FOXP2: variants seen among roughly 807,000 people sequenced by gnomAD.
The protein encoded by FOXP2 is forkhead box P2, also known as forkhead box protein P2.
FOXP2 carries 12 observed loss-of-function variants against 115.8 expected under a neutral mutation model. The ratio of observed to expected loss-of-function variants is 0.10; its 90% CI spans 0.07 to 0.17. The LOEUF is 0.17. FOXP2 is among the 10% of genes least tolerant of loss of function. The probability of loss-of-function intolerance (pLI) is 1.00; values close to 1 mark genes in which losing one functional copy is unlikely to be tolerated. For missense variants in FOXP2, 629 were observed against 843.5 expected (o/e 0.75, Z 3.15); for synonymous variants, 328 against 297.7 (o/e 1.10, Z -1.05).
At chr7:114,341,019 A>T (rs1474625023) in intron 2 of FOXP2, among the ~76,000 whole-genome samples, 2 of 151,310 alleles carry the variant, frequency 1.3e-5, no homozygotes, top group African/African-American at 4.8e-5. Context: ...TATTCTGATG[A>T]CTGAGAAAAT....
rs537531099 is a variant in FOXP2, at chr7:114,494,164, A to G, written c.169-40453A>G. Among the ~76,000 whole-genome samples, 235 of 152,258 alleles carry G rather than the reference A, an allele frequency of 1.5e-3. 2 individuals are homozygous for G. Among genetic ancestry groups the G allele is most frequent in the African/African-American group, 5.4e-3 (225 of 41,558 alleles). ...GCAATAACAAAGTAAAGTTTAAGACATTTTGCCCAAAGTGATAAAAAGTAG... is the reference window on the plus strand; with the variant it reads ...GCAATAACAAAGTAAAGTTTAAGACGTTTTGCCCAAAGTGATAAAAAGTAG... On this transcript the variant is annotated intron_variant, in intron 2 of 16. Transcript: ENST00000350908.
intron 2 of FOXP2, among the ~76,000 whole-genome samples, chr7:114,408,062 A>G (rs1161293353): frequency 6.6e-6 from 1 of 152,158 alleles, no homozygotes; most frequent in African/African-American, 2.4e-5. Flanking sequence ...TTAACATTTT[A>G]TTTGTAAAAT....
intron 2 of FOXP2, among the ~76,000 whole-genome samples, chr7:114,388,925 T>C (rs928625252): frequency 3.9e-5 from 6 of 152,196 alleles, no homozygotes; most frequent in African/African-American, 1.4e-4. Flanking sequence ...AATGCATCAG[T>C]AAAATAGAAG....
At chr7:114,229,364 T>C (rs1012614378) in intron 1 of FOXP2, among the ~76,000 whole-genome samples, 2 of 151,474 alleles carry the variant, frequency 1.3e-5, no homozygotes, top group Non-Finnish European at 3.0e-5. Flanking sequence ...ACATTCAACA[T>C]AAGATCAATA....
At chr7:114,609,332 G>C (rs1333601666) in intron 3 of FOXP2, among the ~76,000 whole-genome samples, 1 of 151,986 alleles carries the variant, frequency 6.6e-6, no homozygotes, top group Non-Finnish European at 1.5e-5. Context: ...ATCTTAATGA[G>C]CAATGGGAAA....
At chr7:114,355,601 A>G (rs1791600718) in intron 2 of FOXP2, among the ~76,000 whole-genome samples, 1 of 152,226 alleles carries the variant, frequency 6.6e-6, no homozygotes, top group African/African-American at 2.4e-5. Context: ...AAACTGAAAC[A>G]TGTTACAGAG....
At chr7:114,459,830 G>T (rs1396772312) in intron 2 of FOXP2, among the ~76,000 whole-genome samples, 1 of 152,120 alleles carries the variant, frequency 6.6e-6, no homozygotes, top group African/African-American at 2.4e-5. Context: ...TGGTCCGGTT[G>T]ATCTCGAACC....
At position 114,297,290 on chromosome 7, in the gene FOXP2, C is replaced by A. The variant is rs574499713; in HGVS notation, c.-11+9181C>A. The A allele has an allele frequency of 1.5e-3, 819 of 555,698 alleles. 5 individuals carry two copies. Among genetic ancestry groups the A allele is most frequent in the Middle Eastern group, 8.7e-3 (17 of 1,950 alleles). The allele number at this position is 555,698 out of a possible 1,614,324, so 34.4% of individuals were successfully genotyped here. A position where few individuals can be genotyped will look rare whatever the true frequency, so the allele number is the denominator to read the frequency against. On this transcript the variant is annotated intron_variant, in intron 2 of 17. Coordinates refer to the FOXP2 transcript ENST00000634411. ...AGCTCCTATGGGGCGAACCCACACA[C>A]CTCTGAATCATGTCCCACGCAAACT... is the stretch of plus-strand genomic sequence containing the variant.
At chr7:114,468,137 G>C (rs1441431166) in intron 2 of FOXP2, among the ~76,000 whole-genome samples, 1 of 152,160 alleles carries the variant, frequency 6.6e-6, no homozygotes. Context: ...CTTAGTGACA[G>C]TAGGCACTTT....
intron 1 of FOXP2, among the ~76,000 whole-genome samples, chr7:114,279,630 A>C (rs576550647): frequency 1.3e-4 from 20 of 152,294 alleles, no homozygotes; most frequent in Non-Finnish European, 2.9e-5. Flanking sequence ...ATGTTTACAC[A>C]CTTGATCACT....
intron 1 of FOXP2, among the ~76,000 whole-genome samples, chr7:114,129,208 A>G (rs1791805912): frequency 6.6e-6 from 1 of 152,246 alleles, no homozygotes; most frequent in African/African-American, 2.4e-5. Flanking sequence ...CAAATAAGTG[A>G]CTTGCCAAAG....
At chr7:114,574,745 G>A (rs1342948427) in intron 3 of FOXP2, among the ~76,000 whole-genome samples, 1 of 151,830 alleles carries the variant, frequency 6.6e-6, no homozygotes, top group African/African-American at 2.4e-5. Flanking sequence ...TTCTAACTGC[G>A]AAGGCAATTA....
At chr7:114,096,135 C>T (rs1240271317) in intron 1 of FOXP2, among the ~76,000 whole-genome samples, 1 of 152,136 alleles carries the variant, frequency 6.6e-6, no homozygotes, top group Non-Finnish European at 1.5e-5. Flanking sequence ...GCGAAGGCGA[C>T]TTTCTTTGTC....
chr7:114,652,876 A>C (rs1292772750), intron 9 of FOXP2, among the ~76,000 whole-genome samples: 1 of 151,946 alleles, frequency 6.6e-6, no homozygotes, highest in South Asian at 2.1e-4. Context: ...GTTTTAAGTT[A>C]AAAAAAATTC....
rs529143645 is a variant in FOXP2, at chr7:114,367,649, TC to T, written c.-10-58849del. On this transcript the variant is annotated intron_variant, in intron 2 of 17. Transcript: ENST00000634411. ...AGGTACTTGATTTTTGGAAGCCATT[TC>T]CCCTGAACCCTAAGTCTAAAAGTTT... is the stretch of plus-strand genomic sequence containing the variant. Among the ~76,000 whole-genome samples the T allele has an allele frequency of 6.0e-3, 918 of 152,234 alleles. 12 individuals carry two copies. Among genetic ancestry groups the T allele is most frequent in the African/African-American group, 0.021 (875 of 41,542 alleles).
chr7:114,390,629 C>T (rs1792571647), intron 2 of FOXP2, among the ~76,000 whole-genome samples: 1 of 152,060 alleles, frequency 6.6e-6, no homozygotes, highest in Admixed American at 6.6e-5. Context: ...TCACTGCTCA[C>T]TGGAGCCTGA....
intron 2 of FOXP2, among the ~76,000 whole-genome samples, chr7:114,519,556 C>G (rs904525960): frequency 6.6e-6 from 1 of 152,084 alleles, no homozygotes; most frequent in Admixed American, 6.6e-5. Context: ...TAAAGATGAT[C>G]AGAGTAAGTA....
At chr7:114,138,679 C>T (rs1386357115) in intron 1 of FOXP2, among the ~76,000 whole-genome samples, 2 of 152,134 alleles carry the variant, frequency 1.3e-5, no homozygotes, top group African/African-American at 4.8e-5. Flanking sequence ...GCGTGAGCCA[C>T]CATGCCCGGC....
intron 1 of FOXP2, among the ~76,000 whole-genome samples, chr7:114,171,483 G>A (rs1249450281): frequency 6.6e-6 from 1 of 152,134 alleles, no homozygotes; most frequent in Non-Finnish European, 1.5e-5. Context: ...TGAGGCAGGA[G>A]GATCACTTGA....
Sources: gnomAD v4.1 joint callset for allele counts (sites outside exome capture counted in the v4.1 genomes callset) on GRCh38, gnomAD v4.1.1 for gene constraint, MANE v1.5 for transcripts, NCBI Gene and HGNC (gene_info 2026-07-23, HGNC 2026-07-21) for gene names.